PIEZO2: variants seen among roughly 807,000 people sequenced by gnomAD.
PIEZO2 encodes piezo type mechanosensitive ion channel component 2, also known as piezo-type mechanosensitive ion channel component 2.
Under a neutral mutation model 337.3 loss-of-function variants are expected in PIEZO2, and 172 were observed. The ratio of observed to expected loss-of-function variants is 0.51; its 90% CI spans 0.45 to 0.58. The LOEUF is 0.58. Among genes scored for constraint, PIEZO2 ranks in the 20% least tolerant of loss-of-function variants. The pLI is 0.00. For missense variants in PIEZO2, 3,028 were observed against 3,391.3 expected (o/e 0.89, Z 2.66); for synonymous variants, 1,251 against 1,228.5 (o/e 1.02, Z -0.38).
intron 47 of PIEZO2, among the ~76,000 whole-genome samples, chr18:10,693,371 T>C (rs1024034714): frequency 6.6e-6 from 1 of 151,758 alleles, no homozygotes; most frequent in Admixed American, 6.6e-5. Context: ...TGTGTGTGTG[T>C]GTGTGTGTGT....
In PIEZO2 at chr18:10,750,012, G is replaced by C; in HGVS notation, c.4264+79C>G. The stretch of plus-strand genomic sequence containing the variant: ...CACTTTTATATCTTTATGTGCTTTG[G>C]CCCACTTTTAAAACTAGAACAATAC... On this transcript the variant is annotated intron_variant, in intron 29 of 55. Coordinates refer to ENST00000674853, the MANE Select transcript of PIEZO2 (RefSeq NM_001378183.1). The surrounding 1 kb of genome is among the most constrained non-coding windows in gnomAD (Gnocchi z 4.1). The C allele has an allele frequency of 9.2e-7, 1 of 1,082,328 alleles. No individual in the cohort carries two copies. The highest frequency in any genetic ancestry group is 1.4e-6 in the Non-Finnish European group (1 of 735,366). The allele number at this position is 1,082,328 out of a possible 1,614,324, so 67.0% of individuals were successfully genotyped here.
At chr18:10,938,163 T>C (rs2032510742) in intron 3 of PIEZO2, among the ~76,000 whole-genome samples, 1 of 152,216 alleles carries the variant, frequency 6.6e-6, no homozygotes, top group Non-Finnish European at 1.5e-5. Context: ...TCAGAAGACC[T>C]GTGGTTACAT....
chr18:10,825,299 T>A (rs72988039), intron 7 of PIEZO2, among the ~76,000 whole-genome samples: 29,974 of 152,108 alleles, frequency 0.2, 3,072 homozygotes, highest in Middle Eastern at 0.31. Flanking sequence ...AGTTCTGAGT[T>A]CTCATCAGGT....
Position 10,877,948 on chromosome 18 carries a change from A to T in PIEZO2, c.330-6533T>A, listed in dbSNP as rs1403475067. Among the ~76,000 whole-genome samples the T allele has an allele frequency of 1.3e-5, 2 of 152,122 alleles. No homozygotes were observed. Among genetic ancestry groups the T allele is most frequent in the African/African-American group, 4.8e-5 (2 of 41,406 alleles). ...ACGCGCCAGTGTTTTCCCTCTGAGC[A>T]AGTGTGCAGTCTTCTCCCTTGGCCA... On this transcript the variant is annotated intron_variant, in intron 4 of 55. Coordinates refer to ENST00000674853, the MANE Select transcript of PIEZO2 (RefSeq NM_001378183.1). This position sits in a 1 kb window ranked among gnomAD's most constrained non-coding sequence, Gnocchi z 5.3.
intron 27 of PIEZO2, 60 bp downstream of exon 27, chr18:10,757,909 G>A (rs926256173): frequency 2.6e-5 from 37 of 1,406,744 alleles, no homozygotes; most frequent in Non-Finnish European, 3.4e-5. Context: ...GTATAGAGGA[G>A]CAATGTAATG....
intron 1 of PIEZO2, among the ~76,000 whole-genome samples, chr18:11,147,107 C>T (rs1394793236): frequency 6.6e-6 from 1 of 152,204 alleles, no homozygotes; most frequent in Non-Finnish European, 1.5e-5. Flanking sequence ...GTGTGTAAGG[C>T]ACCTGAAGAA....
intron 1 of PIEZO2, among the ~76,000 whole-genome samples, chr18:11,122,766 C>T (rs1401003098): frequency 6.6e-6 from 1 of 152,062 alleles, no homozygotes; most frequent in African/African-American, 2.4e-5. Flanking sequence ...CAGATGCAGC[C>T]AGGATGATCA....
At chr18:11,115,987 G>C (rs1475781037) in intron 1 of PIEZO2, among the ~76,000 whole-genome samples, 2 of 152,138 alleles carry the variant, frequency 1.3e-5, no homozygotes, top group Non-Finnish European at 2.9e-5. Context: ...TCAATAGATA[G>C]TTTTAAGTTT....
In PIEZO2 at chr18:10,954,242, G is replaced by A. The variant is rs1445679295; in HGVS notation, c.286+25293C>T. Among the ~76,000 whole-genome samples the A allele has an allele frequency of 6.6e-6, 1 of 152,058 alleles. No individual in the cohort carries two copies. Among genetic ancestry groups the A allele is most frequent in the Non-Finnish European group, 1.5e-5 (1 of 68,022 alleles). ...TCCTGCTGGGATTCTGACTAGAATT[G>A]TGTTGAACCTATAGATCAGTTTAGA... On this transcript the variant is annotated intron_variant, in intron 3 of 55. Coordinates refer to ENST00000674853, the MANE Select transcript of PIEZO2 (RefSeq NM_001378183.1). The surrounding 1 kb of genome is among the most constrained non-coding windows in gnomAD (Gnocchi z 4.2).
intron 1 of PIEZO2, among the ~76,000 whole-genome samples, chr18:11,119,703 C>T (rs1048768033): frequency 6.6e-6 from 1 of 152,276 alleles, no homozygotes; most frequent in African/African-American, 2.4e-5. Context: ...CTGAGTGTAG[C>T]CCTTTGTTCC....
At chr18:10,717,408 G>A (rs568881860) in intron 37 of PIEZO2, among the ~76,000 whole-genome samples, 2 of 151,094 alleles carry the variant, frequency 1.3e-5, no homozygotes, top group African/African-American at 2.5e-5. Context: ...CAGAGGGGAG[G>A]CTTGGAAGCA....
intron 1 of PIEZO2, among the ~76,000 whole-genome samples, chr18:11,113,213 G>C (rs1180310109): frequency 6.6e-6 from 1 of 152,196 alleles, no homozygotes; most frequent in African/African-American, 2.4e-5. Flanking sequence ...TGACTGCAAA[G>C]AACTTGTCTT....
rs73943314 is a variant in PIEZO2, at chr18:10,696,631, T to C, written c.6828-92A>G. The C allele has an allele frequency of 0.048, 68,100 of 1,424,836 alleles. 4,483 individuals carry two copies. The highest frequency in any genetic ancestry group is 0.26 in the African/African-American group (18,174 of 70,584). The allele number at this position is 1,424,836 out of a possible 1,614,324, so 88.3% of individuals were successfully genotyped here. A position where few individuals can be genotyped will look rare whatever the true frequency, so the allele number is the denominator to read the frequency against. ...AGACACTGCCATCATGCCACTCCTC[T>C]GCATTCCTCTTTCCAGTCAGGTCCC... On this transcript the variant is annotated intron_variant, in intron 45 of 55. Transcript: ENST00000674853.
intron 34 of PIEZO2, among the ~76,000 whole-genome samples, chr18:10,735,532 C>T (rs975437412): frequency 7.2e-5 from 11 of 152,162 alleles, no homozygotes; most frequent in African/African-American, 2.7e-4. Context: ...ATCCATCCAA[C>T]ATAGTGAAGA....
chr18:10,684,543 C>T (rs1223394094), intron 49 of PIEZO2, among the ~76,000 whole-genome samples: 1 of 149,570 alleles, frequency 6.7e-6, no homozygotes, highest in Non-Finnish European at 1.5e-5. Flanking sequence ...CAGCTCACTG[C>T]AACTTCCACC....
intron 7 of PIEZO2, among the ~76,000 whole-genome samples, chr18:10,835,032 G>A (rs1477930425): frequency 6.6e-6 from 1 of 152,160 alleles, no homozygotes; most frequent in African/African-American, 2.4e-5. Context: ...TTATGAAAGG[G>A]ACCCAGAGAG....
chr18:10,742,986 T>C (rs1195746684), intron 31 of PIEZO2, among the ~76,000 whole-genome samples: 1 of 152,114 alleles, frequency 6.6e-6, no homozygotes, highest in Non-Finnish European at 1.5e-5. Flanking sequence ...TCCTTTATTC[T>C]CCCAAGTTTT....
intron 34 of PIEZO2, 32 bp downstream of exon 34, chr18:10,736,572 A>G (rs535875018): frequency 6.5e-7 from 1 of 1,536,198 alleles, no homozygotes; most frequent in Non-Finnish European, 8.7e-7. Flanking sequence ...AGCTCTTCCA[A>G]CTAGCAAAGA....
rs1008402188 is a variant in PIEZO2, at chr18:10,952,097, C to G, written c.286+27438G>C. On this transcript the variant is annotated intron_variant, in intron 3 of 55. Coordinates refer to ENST00000674853, the MANE Select transcript of PIEZO2 (RefSeq NM_001378183.1). The surrounding 1 kb of genome is among the most constrained non-coding windows in gnomAD (Gnocchi z 4.1). ...GAGAACCTGTGGCTGCTTAGTGGTA[C>G]AGCAAAACCAGAATCTACTGCTCTG... Among the ~76,000 whole-genome samples, 1 of 152,154 alleles carries G rather than the reference C, an allele frequency of 6.6e-6. No individual in the cohort carries two copies. Among genetic ancestry groups the G allele is most frequent in the Non-Finnish European group, 1.5e-5 (1 of 68,030 alleles).
Sources: gnomAD v4.1 joint callset for allele counts (sites outside exome capture counted in the v4.1 genomes callset) on GRCh38, gnomAD v4.1.1 for gene constraint, Gnocchi (gnomAD v3.1) non-coding constraint, MANE v1.5 for transcripts, NCBI Gene and HGNC (gene_info 2026-07-23, HGNC 2026-07-21) for gene names.